The following NR1I2 variants were observed in gnomAD, a reference collection of about 807,000 sequenced individuals.
NR1I2 encodes the protein nuclear receptor subfamily 1 group I member 2.
Under a neutral mutation model 43.3 loss-of-function variants are expected in NR1I2, and 42 were observed. The ratio of observed to expected loss-of-function variants is 0.97; its 90% CI spans 0.76 to 1.26. NR1I2 has a LOEUF of 1.26. NR1I2 is among the 50% of genes most tolerant of loss of function. The pLI is 0.00. For missense variants in NR1I2, 559 were observed against 566.7 expected, an observed-to-expected ratio of 0.99 and a Z score of 0.14; for synonymous variants, 229 against 215.0, an observed-to-expected ratio of 1.06 and a Z score of -0.57.
In NR1I2 at chr3:119,818,108, C is replaced by T. The variant is rs1035717740; in HGVS notation, c.*896C>T. Reference sequence around the variant, plus strand: ...ACATGAGTCTGTAGGAGCAAGGGCACAAACTGCAGCTGTGAGTGCGTGTGT... The same window carrying T: ...ACATGAGTCTGTAGGAGCAAGGGCATAAACTGCAGCTGTGAGTGCGTGTGT... On this transcript the variant is annotated 3_prime_UTR_variant, in exon 9 of 9. Transcript: ENST00000393716. 1.0e-6 allele frequency: 1 copy of T among 985,608 alleles called. No individual in the cohort carries two copies. Among genetic ancestry groups the T allele is most frequent in the Non-Finnish European group, 1.2e-6 (1 of 829,986 alleles). 61.1% of individuals were successfully genotyped at this position (985,608 alleles called of 1,614,324 possible).
intron 1 of NR1I2, among the ~76,000 whole-genome samples, chr3:119,797,625 A>G (rs2055019831): frequency 6.6e-6 from 1 of 152,234 alleles, no homozygotes; most frequent in South Asian, 2.1e-4. Context: ...TATCTCTAAA[A>G]GATAGCATAT....
chr3:119,813,027 C>G, intron 5 of NR1I2, 67 bp downstream of exon 5: 1 of 1,542,106 alleles, frequency 6.5e-7, no homozygotes, highest in South Asian at 1.1e-5. Flanking sequence ...GTTCAAAGGG[C>G]CTGGGGTAGA....
chr3:119,815,799 C>T lies in NR1I2; in HGVS notation c.1128C>T (p.Tyr376=). ...AATTCGCCATTACTCTGAAGTCCTACATTGAATGCAATCGGCCCCAGCCTG... is the reference window on the plus strand; with the variant it reads ...AATTCGCCATTACTCTGAAGTCCTATATTGAATGCAATCGGCCCCAGCCTG... The change falls in exon 8 of 9, where the codon TAC becomes TAT. Residue 376 remains tyrosine, a synonymous_variant. Coordinates refer to ENST00000393716, the MANE Select transcript of NR1I2 (RefSeq NM_003889.4). 4 of 1,613,174 alleles carry T rather than the reference C, an allele frequency of 2.5e-6. No homozygotes were observed. In the East Asian group the frequency reaches 6.7e-5, roughly 27 times the overall value.
At chr3:119,786,675 T>C (rs1272316562) in intron 1 of NR1I2, among the ~76,000 whole-genome samples, 1 of 152,182 alleles carries the variant, frequency 6.6e-6, no homozygotes, top group African/African-American at 2.4e-5. Context: ...CCCTGATCTG[T>C]GTCTAGTAAC....
At chr3:119,814,844 C>A in intron 5 of NR1I2, 135 bp from the exon 6 acceptor site, 1 of 1,095,292 alleles carries the variant, frequency 9.1e-7, no homozygotes, top group Non-Finnish European at 1.3e-6. Flanking sequence ...ACAGCAGCCA[C>A]AGTCATCCTC....
At chr3:119,788,008 G>A (rs1262857997) in intron 1 of NR1I2, among the ~76,000 whole-genome samples, 1 of 152,078 alleles carries the variant, frequency 6.6e-6, no homozygotes, top group East Asian at 1.9e-4. Context: ...CAAAGCTTGT[G>A]CTTTGACTCA....
chr3:119,792,473 A>G (rs1268787450), intron 1 of NR1I2: 1 of 1,090,514 alleles, frequency 9.2e-7, no homozygotes, highest in Non-Finnish European at 1.4e-6. Context: ...TGCAGAGGAC[A>G]TCACGTACCA....
intron 1 of NR1I2, among the ~76,000 whole-genome samples, chr3:119,793,907 G>C (rs1408892324): frequency 6.6e-6 from 1 of 152,112 alleles, no homozygotes; most frequent in African/African-American, 2.4e-5. Context: ...CTGTGATGTT[G>C]TTACTTGTCC....
Position 119,814,970 on chromosome 3 carries a change from T to C in NR1I2, c.795-9T>C. 1 of 1,614,020 alleles carries C rather than the reference T, an allele frequency of 6.2e-7. No homozygotes were observed. Among genetic ancestry groups the C allele is most frequent in the Non-Finnish European group, 8.5e-7 (1 of 1,179,992 alleles). ...GGAGCTGTCCTCCCCTCCCCATCCT[T>C]GCTGCCAGGGACTTGCCCATCGAGG... On this transcript the variant is annotated splice_polypyrimidine_tract_variant and intron_variant, in intron 5 of 8. Coordinates refer to ENST00000393716, the MANE Select transcript of NR1I2 (RefSeq NM_003889.4).
intron 2 of NR1I2, 138 bp from the exon 3 acceptor site, chr3:119,809,923 A>C: frequency 8.9e-7 from 1 of 1,125,626 alleles, no homozygotes; most frequent in Middle Eastern, 2.6e-4. Flanking sequence ...ATAAAGCCTG[A>C]CCCAGCTGGG....
chr3:119,818,143 T>G lies in NR1I2; in HGVS notation c.*931T>G, dbSNP rs1351725285. The G allele has an allele frequency of 1.0e-6, 1 of 985,492 alleles. No individual in the cohort carries two copies. The highest frequency in any genetic ancestry group is 1.2e-6 in the Non-Finnish European group (1 of 830,014). The allele number at this position is 985,492 out of a possible 1,614,324, so 61.0% of individuals were successfully genotyped here. A position where few individuals can be genotyped will look rare whatever the true frequency, so the allele number is the denominator to read the frequency against. The stretch of plus-strand genomic sequence containing the variant: ...CTGTGAGTGCGTGTGTGTGATTTGG[T>G]GTAGGTAGGTCTGTTTGCCACTTGA... On this transcript the variant is annotated 3_prime_UTR_variant, in exon 9 of 9. Coordinates refer to ENST00000393716, the MANE Select transcript of NR1I2 (RefSeq NM_003889.4).
chr3:119,791,983 A>G lies in NR1I2; in HGVS notation c.-23+9683A>G, dbSNP rs559227306. On this transcript the variant is annotated intron_variant, in intron 1 of 8. Transcript: ENST00000393716. ...GACATTGTGGTAGGGTAAGGGACTC[A>G]CTTTCTCATACCATGGGTACAGAAA... 4.5e-5 allele frequency: 31 copies of G among 695,882 alleles called. No individual in the cohort carries two copies. In the African/African-American group the frequency reaches 5.4e-4, roughly 12 times the overall value. The allele number at this position is 695,882 out of a possible 1,614,324, so 43.1% of individuals were successfully genotyped here.
At chr3:119,805,454 G>A (rs2055143618) in intron 1 of NR1I2, among the ~76,000 whole-genome samples, 3 of 152,094 alleles carry the variant, frequency 2.0e-5, no homozygotes, top group Admixed American at 1.3e-4. Context: ...ACTTTGGGAG[G>A]CTGAGGCGGA....
intron 4 of NR1I2, among the ~76,000 whole-genome samples, chr3:119,812,439 G>A (rs2055256848): frequency 6.6e-6 from 1 of 152,174 alleles, no homozygotes; most frequent in East Asian, 1.9e-4. Context: ...GCAGGGATGT[G>A]TGTGACCATT....
At chr3:119,815,288 G>A in intron 6 of NR1I2, 35 bp from the exon 7 acceptor site, 1 of 1,584,642 alleles carries the variant, frequency 6.3e-7, no homozygotes, top group Non-Finnish European at 8.7e-7. Flanking sequence ...TCAGCTTGCT[G>A]AGAAGCTGCC....
chr3:119,802,040 C>G (rs890787892), intron 1 of NR1I2, among the ~76,000 whole-genome samples: 5 of 152,154 alleles, frequency 3.3e-5, no homozygotes, highest in African/African-American at 1.2e-4. Flanking sequence ...TTGTCTCTTC[C>G]CCACATTCTA....
intron 1 of NR1I2, among the ~76,000 whole-genome samples, chr3:119,787,099 C>A (rs1001092862): frequency 4.6e-5 from 7 of 151,894 alleles, no homozygotes; most frequent in African/African-American, 1.7e-4. Context: ...ACCAGCCTGG[C>A]CAAAATGGCG....
At chr3:119,786,005 A>G (rs1270295983) in intron 1 of NR1I2, among the ~76,000 whole-genome samples, 1 of 152,176 alleles carries the variant, frequency 6.6e-6, no homozygotes, top group Non-Finnish European at 1.5e-5. Flanking sequence ...TAAATCATGA[A>G]TGAATATTGA....
Position 119,817,716 on chromosome 3 carries a change from C to CCT in NR1I2, c.*505_*506dup. On this transcript the variant is annotated 3_prime_UTR_variant, in exon 9 of 9. Transcript: ENST00000393716. ...TCCGAGCTGCTTTGTGGGCTCCAGG[C>CCT]CTGTACTCATCGGCAGGCGCATGAG... is the stretch of plus-strand genomic sequence containing the variant. 9.4e-7 allele frequency: 1 copy of CCT among 1,060,738 alleles called. No homozygotes were observed. The highest frequency in any genetic ancestry group is 3.2e-5 in the South Asian group (1 of 30,876). The allele number at this position is 1,060,738 out of a possible 1,614,324, so 65.7% of individuals were successfully genotyped here. A position where few individuals can be genotyped will look rare whatever the true frequency, so the allele number is the denominator to read the frequency against.
Sources: allele counts gnomAD v4.1 joint callset (sites outside exome capture counted in the v4.1 genomes callset), GRCh38; gene constraint gnomAD v4.1.1; transcripts MANE v1.5; gene names NCBI Gene and HGNC (gene_info 2026-07-23, HGNC 2026-07-21).